The following TEAD1 variants were observed in gnomAD, a reference collection of about 807,000 sequenced individuals.
The protein encoded by TEAD1 is transcriptional enhancer factor TEF-1.
TEAD1 carries 9 observed loss-of-function variants against 54.9 expected under a neutral mutation model. The observed-to-expected ratio is 0.16, with a 90% CI of 0.10 to 0.29. TEAD1 has a LOEUF of 0.29. Ranked by LOEUF, TEAD1 falls within the 10% of genes least tolerant of loss-of-function variation. The pLI is 1.00. For synonymous variants in TEAD1, 200 were observed against 187.8 expected, an observed-to-expected ratio of 1.07 and a Z score of -0.53; for missense variants, 387 against 535.9, an observed-to-expected ratio of 0.72 and a Z score of 2.74.
At position 12,721,081 on chromosome 11, in the gene TEAD1, T is replaced by C. The variant is rs141698619; in HGVS notation, c.-54-43098T>C. Among the ~76,000 whole-genome samples, 569 of 152,370 alleles carry C rather than the reference T, an allele frequency of 3.7e-3. 5 individuals are homozygous for C. The highest frequency in any genetic ancestry group is 0.013 in the African/African-American group (542 of 41,596). On this transcript the variant is annotated intron_variant, in intron 2 of 12. Coordinates refer to ENST00000527636, the MANE Select transcript of TEAD1 (RefSeq NM_021961.6). ...CCCTGTGTTTAGTTAGACAGAAGAATGTGGTTCTGAGTCCAGACTCTCACT... is the reference window on the plus strand; with the variant it reads ...CCCTGTGTTTAGTTAGACAGAAGAACGTGGTTCTGAGTCCAGACTCTCACT...
chr11:12,828,654 G>GT (rs776583694), intron 3 of TEAD1, among the ~76,000 whole-genome samples: 115 of 132,380 alleles, frequency 8.7e-4, no homozygotes, highest in South Asian at 2.0e-3. Context: ...GGGAGTGTGG[G>GT]TTTTTTTTTT....
chr11:12,715,425 G>T (rs758639168), intron 2 of TEAD1, among the ~76,000 whole-genome samples: 6 of 152,158 alleles, frequency 3.9e-5, no homozygotes, highest in Admixed American at 6.5e-5. Flanking sequence ...TCGGGTGATG[G>T]CTGGGCAAGG....
At chr11:12,769,711 C>T (rs1945277602) in intron 3 of TEAD1, among the ~76,000 whole-genome samples, 1 of 152,078 alleles carries the variant, frequency 6.6e-6, no homozygotes, top group South Asian at 2.1e-4. Context: ...CTTTGATTTC[C>T]TCTTTCGGAC....
chr11:12,813,091 A>T (rs11022511), intron 3 of TEAD1, among the ~76,000 whole-genome samples: 51,187 of 151,884 alleles, frequency 0.34, 9,616 homozygotes, highest in South Asian at 0.61. Context: ...CAAGCCAGAC[A>T]GTCCAGCCGG....
intron 2 of TEAD1, among the ~76,000 whole-genome samples, chr11:12,753,925 G>C (rs147356184): frequency 6.6e-6 from 1 of 152,026 alleles, no homozygotes; most frequent in Non-Finnish European, 1.5e-5. Flanking sequence ...GTGTGTGGTG[G>C]GGTCAATTTT....
At chr11:12,866,570 A>T (rs1176385215) in intron 5 of TEAD1, among the ~76,000 whole-genome samples, 1 of 151,568 alleles carries the variant, frequency 6.6e-6, no homozygotes, top group African/African-American at 2.4e-5. Flanking sequence ...GTTTGTTTCT[A>T]AAAAAAAATT....
Position 12,937,378 on chromosome 11 carries a change from G to C in TEAD1, c.*156G>C, listed in dbSNP as rs1024135979. ...ACCCCGACTTTTCTAAATCTTGTTT[G>C]AGTGAAGTCATTTTTTCATGTGTTC... On this transcript the variant is annotated 3_prime_UTR_variant, in exon 13 of 13. Transcript: ENST00000527636. The C allele has an allele frequency of 1.0e-5, 6 of 594,180 alleles. No homozygotes were observed. In the African/African-American group the frequency reaches 1.1e-4, roughly 11 times the overall value. The allele number at this position is 594,180 out of a possible 1,614,324, so 36.8% of individuals were successfully genotyped here. A position where few individuals can be genotyped will look rare whatever the true frequency, so the allele number is the denominator to read the frequency against.
At chr11:12,719,581 AG>A (rs969619265) in intron 2 of TEAD1, among the ~76,000 whole-genome samples, 35 of 40,554 alleles carry the variant, frequency 8.6e-4, no homozygotes, top group South Asian at 3.3e-3. Flanking sequence ...TTTTGGGGGG[AG>A]GGGGGGCGGG....
intron 3 of TEAD1, among the ~76,000 whole-genome samples, chr11:12,791,044 C>T (rs954117942): frequency 6.6e-6 from 1 of 152,232 alleles, no homozygotes; most frequent in African/African-American, 2.4e-5. Flanking sequence ...CTTGTATGCA[C>T]ATATTCACAT....
intron 3 of TEAD1, among the ~76,000 whole-genome samples, chr11:12,776,216 G>T (rs1024122666): frequency 6.6e-6 from 1 of 152,198 alleles, no homozygotes; most frequent in African/African-American, 2.4e-5. Flanking sequence ...CAGTCAGCTG[G>T]CCCAGCTCAG....
At chr11:12,840,246 C>CAAAAAAAAAAAAAAAAAAAAAAAAAAAAA (rs1176865272) in intron 3 of TEAD1, among the ~76,000 whole-genome samples, 2 of 31,576 alleles carry the variant, frequency 6.3e-5, no homozygotes, top group Non-Finnish European at 1.1e-4. Flanking sequence ...GACTCTGCCT[C>CAAAAAAAAAAAAAAAAAAAAAAAAAAAAA]AAAAAAAAAA....
intron 2 of TEAD1, among the ~76,000 whole-genome samples, chr11:12,734,833 TTGAC>T (rs1235059435): frequency 6.6e-6 from 1 of 152,208 alleles, no homozygotes; most frequent in Non-Finnish European, 1.5e-5. Flanking sequence ...GATGACGAAA[TTGAC>T]TGACAACACA....
chr11:12,824,293 T>A (rs780606389), intron 3 of TEAD1, among the ~76,000 whole-genome samples: 1 of 152,176 alleles, frequency 6.6e-6, no homozygotes, highest in African/African-American at 2.4e-5. Context: ...TCAGCCGTTG[T>A]CTGCAGACTT....
intron 3 of TEAD1, among the ~76,000 whole-genome samples, chr11:12,807,925 G>T (rs1482891037): frequency 6.6e-6 from 1 of 152,166 alleles, no homozygotes; most frequent in African/African-American, 2.4e-5. Flanking sequence ...TCTCTGAAGA[G>T]TCCTAAGTAG....
chr11:12,681,436 A>G (rs1943219459), intron 2 of TEAD1, among the ~76,000 whole-genome samples: 1 of 152,236 alleles, frequency 6.6e-6, no homozygotes, highest in Non-Finnish European at 1.5e-5. Flanking sequence ...AAATCAGGGA[A>G]TGTGCCATTT....
At position 12,743,740 on chromosome 11, in the gene TEAD1, G is replaced by C. The variant is rs192617093; in HGVS notation, c.-54-20439G>C. On this transcript the variant is annotated intron_variant, in intron 2 of 12. Coordinates refer to ENST00000527636, the MANE Select transcript of TEAD1 (RefSeq NM_021961.6). ...ATGACAAATGAAACAGATTTAAGGT[G>C]GGGGAGAAGGTTACCCATGAACGGG... 2.3e-3 allele frequency among the ~76,000 whole-genome samples: 343 copies of C among 152,296 alleles called. 1 individual carries two copies. Among genetic ancestry groups the C allele is most frequent in the Non-Finnish European group, 2.5e-3 (169 of 68,026 alleles).
At chr11:12,882,857 G>T (rs997857639) in intron 8 of TEAD1, 144 bp from the exon 9 acceptor site, 2 of 1,221,416 alleles carry the variant, frequency 1.6e-6, no homozygotes, top group African/African-American at 1.5e-5. Flanking sequence ...AGCATCTGTC[G>T]TCTGAGTTAT....
intron 9 of TEAD1, among the ~76,000 whole-genome samples, chr11:12,899,724 G>A: frequency 6.6e-6 from 1 of 152,192 alleles, no homozygotes; most frequent in Non-Finnish European, 1.5e-5. Flanking sequence ...CCATGCAGCT[G>A]CATCCATGTC....
intron 3 of TEAD1, among the ~76,000 whole-genome samples, chr11:12,806,523 C>G (rs148588606): frequency 2.4e-4 from 37 of 152,254 alleles, no homozygotes; most frequent in Admixed American, 5.2e-4. Flanking sequence ...GCTCCTCACC[C>G]TGGGAGGAGG....
Sources: gnomAD v4.1 joint callset for allele counts (sites outside exome capture counted in the v4.1 genomes callset) on GRCh38, gnomAD v4.1.1 for gene constraint, MANE v1.5 for transcripts, NCBI Gene and HGNC (gene_info 2026-07-23, HGNC 2026-07-21) for gene names.